Variants in ACTR3C observed in about 807,000 individuals in gnomAD.
The protein encoded by ACTR3C is actin related protein 3C.
In ACTR3C, 18 loss-of-function variants were observed where a neutral mutation model predicts 26.3. The ratio of observed to expected loss-of-function variants is 0.68; its 90% CI spans 0.47 to 1.01. The LOEUF (loss-of-function observed/expected upper bound fraction) is 1.01, where lower values mean the gene tolerates loss of function less well. ACTR3C is among the 50% of genes least tolerant of loss of function. ACTR3C has a pLI of 0.00. For synonymous variants in ACTR3C, 55 were observed against 94.5 expected, an observed-to-expected ratio of 0.58 and a Z score of 2.42; for missense variants, 184 against 250.7, an observed-to-expected ratio of 0.73 and a Z score of 1.80.
At chr7:150,321,214 C>A (rs1463869799) in intron 1 of ACTR3C, among the ~76,000 whole-genome samples, 1 of 152,234 alleles carries the variant, frequency 6.6e-6, no homozygotes, top group East Asian at 1.9e-4. Context: ...AACTATAAAT[C>A]TCCACCTGTC....
chr7:150,077,612 C>T, the ACTR3C span, among the ~76,000 whole-genome samples: 1 of 152,112 alleles, frequency 6.6e-6, no homozygotes, highest in Non-Finnish European at 1.5e-5. Flanking sequence ...AGGACAAGTA[C>T]TGGGTACCTC....
At chr7:150,150,316 A>T in the ACTR3C span, among the ~76,000 whole-genome samples, 1 of 152,162 alleles carries the variant, frequency 6.6e-6, no homozygotes. Flanking sequence ...TCGCTTGTTG[A>T]CTAGGTCTTT....
intron 1 of ACTR3C, among the ~76,000 whole-genome samples, chr7:150,301,942 C>T (rs927132367): frequency 5.9e-5 from 9 of 152,036 alleles, no homozygotes; most frequent in Non-Finnish European, 1.0e-4. Flanking sequence ...TGGAGACAGA[C>T]GGTGGCAATG....
chr7:150,117,868 C>A, the ACTR3C span, among the ~76,000 whole-genome samples: 2 of 152,204 alleles, frequency 1.3e-5, no homozygotes. Flanking sequence ...CCCTCTGGGA[C>A]CAAGCTTCCA....
At chr7:150,042,101 GGTGCCTCCCCCCTCTGC>G in the ACTR3C span, among the ~76,000 whole-genome samples, 1 of 92,538 alleles carries the variant, frequency 1.1e-5, no homozygotes, top group African/African-American at 3.8e-5. Context: ...CCTCGCGGGG[GGTGCCTCCCCCCTCTGC>G]GATGGGGGTC....
intron 1 of ACTR3C, among the ~76,000 whole-genome samples, chr7:150,299,711 G>A (rs1357540408): frequency 1.3e-5 from 2 of 152,180 alleles, no homozygotes; most frequent in Admixed American, 6.5e-5. Context: ...GCTTAAACCC[G>A]GGAGGCAGAG....
At chr7:149,927,773 CAAAAAT>C in the ACTR3C span, among the ~76,000 whole-genome samples, 1 of 151,528 alleles carries the variant, frequency 6.6e-6, no homozygotes, top group African/African-American at 2.4e-5. Flanking sequence ...AGTCTCAAAA[CAAAAAT>C]AAAAATAAGT....
At chr7:150,239,536 C>CTA (rs1306541257), downstream of ACTR3C, among the ~76,000 whole-genome samples, 1,623 of 112,624 alleles carry the variant, frequency 0.014, 19 homozygotes, top group Admixed American at 0.024. Context: ...CTCTCTCTCT[C>CTA]TCTCTATATA....
the ACTR3C span, among the ~76,000 whole-genome samples, chr7:150,105,638 C>T: frequency 7.1e-4 from 108 of 152,150 alleles, 2 homozygotes; most frequent in African/African-American, 2.5e-3. Flanking sequence ...TTGCTCCAGG[C>T]AGGCTGGTCC....
chr7:150,132,292 A>G, the ACTR3C span, among the ~76,000 whole-genome samples: 1 of 152,224 alleles, frequency 6.6e-6, no homozygotes, highest in African/African-American at 2.4e-5. Flanking sequence ...AGGTCATGAT[A>G]TAGGTTGCAT....
At chr7:149,918,077 A>G in the ACTR3C span, among the ~76,000 whole-genome samples, 2 of 152,170 alleles carry the variant, frequency 1.3e-5, no homozygotes, top group Non-Finnish European at 2.9e-5. Flanking sequence ...TATAGAACGA[A>G]GAATTCAATA....
At chr7:150,249,486 T>C (rs1372797313) in intron 6 of ACTR3C, among the ~76,000 whole-genome samples, 1 of 152,154 alleles carries the variant, frequency 6.6e-6, no homozygotes, top group Non-Finnish European at 1.5e-5. Context: ...TGGAGTCTCA[T>C]TCTGTCACCC....
At chr7:150,221,998 C>CAAAAAAAAAAAAA in the ACTR3C span, among the ~76,000 whole-genome samples, 44 of 79,784 alleles carry the variant, frequency 5.5e-4, no homozygotes, top group African/African-American at 2.8e-3. Flanking sequence ...ACTCCGTCTC[C>CAAAAAAAAAAAAA]AAAAAAAAAA....
the ACTR3C span, among the ~76,000 whole-genome samples, chr7:149,904,474 T>C: frequency 6.7e-6 from 1 of 149,892 alleles, no homozygotes; most frequent in African/African-American, 2.4e-5. Context: ...GAGGTTGCAG[T>C]GAGCTGAGAC....
At chr7:150,319,205 C>CT (rs199647156) in intron 1 of ACTR3C, among the ~76,000 whole-genome samples, 274 of 140,726 alleles carry the variant, frequency 1.9e-3, no homozygotes, top group Middle Eastern at 7.3e-3. Flanking sequence ...ATTGCTTCTT[C>CT]TTTTTTTTTT....
chr7:150,057,900 A>G, the ACTR3C span, among the ~76,000 whole-genome samples: 18 of 152,358 alleles, frequency 1.2e-4, no homozygotes, highest in East Asian at 3.9e-4. Context: ...AGACTCTTCT[A>G]TCTCCCATTG....
At chr7:150,321,334 T>G (rs527306806) in intron 1 of ACTR3C, among the ~76,000 whole-genome samples, 8 of 152,382 alleles carry the variant, frequency 5.2e-5, no homozygotes, top group Admixed American at 1.3e-4. Context: ...AATTTTTCTT[T>G]TAGTGCCATT....
At chr7:150,182,991 T>C in the ACTR3C span, among the ~76,000 whole-genome samples, 1 of 150,890 alleles carries the variant, frequency 6.6e-6, no homozygotes, top group African/African-American at 2.5e-5. Context: ...CAAATACATA[T>C]TTTTGTTTTC....
the ACTR3C span, among the ~76,000 whole-genome samples, chr7:149,932,597 T>C: frequency 2.0e-5 from 3 of 152,056 alleles, no homozygotes. Flanking sequence ...CGCACAGTCA[T>C]TTGCTGGCTC....
Sources: gnomAD v4.1 joint callset for allele counts (sites outside exome capture counted in the v4.1 genomes callset) on GRCh38, gnomAD v4.1.1 for gene constraint, MANE v1.5 for transcripts, NCBI Gene and HGNC (gene_info 2026-07-23, HGNC 2026-07-21) for gene names.